TRIM44: variants seen among roughly 807,000 people sequenced by gnomAD.
TRIM44 encodes the protein tripartite motif-containing protein 44.
A neutral mutation model predicts 37.4 loss-of-function variants in TRIM44; 13 were observed. That is an observed-to-expected ratio of 0.35 (90% CI 0.23 to 0.55). The LOEUF is 0.55. TRIM44 is among the 20% of genes least tolerant of loss of function. The probability of loss-of-function intolerance (pLI) is 0.89; values close to 1 mark genes in which losing one functional copy is unlikely to be tolerated. For missense variants in TRIM44, 426 were observed against 437.2 expected (o/e 0.97, Z 0.23); for synonymous variants, 175 against 157.2 (o/e 1.11, Z -0.85).
intron 2 of TRIM44, among the ~76,000 whole-genome samples, chr11:35,706,954 G>C (rs1851893702): frequency 2.6e-5 from 4 of 151,492 alleles, no homozygotes; most frequent in Non-Finnish European, 5.9e-5. Flanking sequence ...ATTCAATTAG[G>C]AAAAGAGGAA....
intron 4 of TRIM44, among the ~76,000 whole-genome samples, chr11:35,765,944 G>C (rs1041735221): frequency 6.6e-6 from 1 of 152,172 alleles, no homozygotes; most frequent in Non-Finnish European, 1.5e-5. Flanking sequence ...TCAACACAGA[G>C]TGGTAAGGAA....
chr11:35,766,537 A>AG (rs1391211092), intron 4 of TRIM44, among the ~76,000 whole-genome samples: 1 of 152,242 alleles, frequency 6.6e-6, no homozygotes, highest in Non-Finnish European at 1.5e-5. Flanking sequence ...GTGCTCCTAC[A>AG]TGCCCACATT....
chr11:35,778,870 C>T (rs1265955303), intron 4 of TRIM44, among the ~76,000 whole-genome samples: 1 of 152,230 alleles, frequency 6.6e-6, no homozygotes, highest in Non-Finnish European at 1.5e-5. Context: ...TGGGAGTTCT[C>T]TACCAGTTAG....
chr11:35,754,735 A>G (rs1027744871), intron 4 of TRIM44, among the ~76,000 whole-genome samples: 1 of 140,386 alleles, frequency 7.1e-6, no homozygotes, highest in Non-Finnish European at 1.5e-5. Flanking sequence ...ATTCCCACCT[A>G]TGAGTGAGAA....
intron 1 of TRIM44, among the ~76,000 whole-genome samples, chr11:35,664,774 T>A (rs1386580044): frequency 6.6e-6 from 1 of 152,186 alleles, no homozygotes; most frequent in Non-Finnish European, 1.5e-5. Flanking sequence ...AGTACTGAGG[T>A]AGTCTCCATC....
intron 4 of TRIM44, among the ~76,000 whole-genome samples, chr11:35,777,945 G>C (rs191298715): frequency 4.6e-5 from 7 of 152,176 alleles, no homozygotes; most frequent in East Asian, 1.9e-4. Context: ...TGGAGTTGCT[G>C]TTCTCAAGGA....
At position 35,663,249 on chromosome 11, in the gene TRIM44, G is replaced by C; in HGVS notation, c.138G>C (p.Glu46Asp). The stretch of plus-strand genomic sequence containing the variant: ...TCTGCTACTGCCGCCGCCATGCCGA[G>C]GCGCACAGGCAGAAGTTCCTCAGTC... ...CGFCYCRRHA[E>D]AHRQKFLSHH... Residue 46 changes from glutamate (E) to aspartate (D), a missense_variant, in exon 1 of 5, where the codon GAG (glutamate) becomes GAC (aspartate). Coordinates refer to ENST00000299413, the MANE Select transcript of TRIM44 (RefSeq NM_017583.6). The C allele has an allele frequency of 1.2e-6, 2 of 1,609,648 alleles. No individual in the cohort carries two copies. The highest frequency in any genetic ancestry group is 8.5e-7 in the Non-Finnish European group (1 of 1,176,540).
chr11:35,663,743 A>G lies in TRIM44; in HGVS notation c.632A>G (p.Gln211Arg), dbSNP rs778295441. 6.2e-7 allele frequency: 1 copy of G among 1,614,108 alleles called. No homozygotes were observed. Among genetic ancestry groups the G allele is most frequent in the Non-Finnish European group, 8.5e-7 (1 of 1,180,022 alleles). Residue 211 changes from glutamine to arginine, a missense_variant, in exon 1 of 5, where the codon CAA (glutamine) becomes CGA (arginine). By Grantham distance (43) the Gln-to-Arg change is conservative. Transcript: ENST00000299413. ...GTCATTGGGGCTCACCAGGGCCACC[A>G]ACTCTCCACCCTAGACGAAGCCTTT... ...CPVIGAHQGH[Q>R]LSTLDEAFEE...
intron 4 of TRIM44, among the ~76,000 whole-genome samples, chr11:35,766,668 G>T (rs934593726): frequency 6.6e-6 from 1 of 152,122 alleles, no homozygotes; most frequent in South Asian, 2.1e-4. Flanking sequence ...CTTTGGCCTC[G>T]GCAGGCCGGG....
chr11:35,729,708 G>T (rs1216908146), intron 3 of TRIM44, among the ~76,000 whole-genome samples: 1 of 152,154 alleles, frequency 6.6e-6, no homozygotes, highest in Non-Finnish European at 1.5e-5. Flanking sequence ...TAAACTTAAG[G>T]TGACATATGA....
At chr11:35,746,278 G>A (rs1852489498) in intron 4 of TRIM44, among the ~76,000 whole-genome samples, 1 of 152,076 alleles carries the variant, frequency 6.6e-6, no homozygotes, top group Non-Finnish European at 1.5e-5. Context: ...GATGTCCTTG[G>A]TTATGCCTCC....
intron 4 of TRIM44, among the ~76,000 whole-genome samples, chr11:35,738,469 G>T (rs1258826747): frequency 6.6e-6 from 1 of 152,120 alleles, no homozygotes; most frequent in African/African-American, 2.4e-5. Flanking sequence ...GGTACAATAA[G>T]TACCAAAAAT....
Position 35,813,997 on chromosome 11 carries a change from AAACT to A in TRIM44, c.*7615_*7618del, listed in dbSNP as rs1248123542. 1 of 152,226 alleles carries A rather than the reference AAACT, an allele frequency of 6.6e-6. No individual in the cohort carries two copies. Among genetic ancestry groups the A allele is most frequent in the African/African-American group, 2.4e-5 (1 of 41,458 alleles). The allele number at this position is 152,226 out of a possible 1,614,324, so 9.4% of individuals were successfully genotyped here. On this transcript the variant is annotated 3_prime_UTR_variant, in exon 5 of 5. Transcript: ENST00000299413. ...TGCCAACTTTCCAATGTGATGAATAAAACTAATAACTAGAATACAGATCAAATTC... is the reference window on the plus strand; with the variant it reads ...TGCCAACTTTCCAATGTGATGAATAAAATAACTAGAATACAGATCAAATTC...
intron 4 of TRIM44, among the ~76,000 whole-genome samples, chr11:35,758,322 C>T (rs1440410985): frequency 6.6e-6 from 1 of 152,026 alleles, no homozygotes; most frequent in Non-Finnish European, 1.5e-5. Flanking sequence ...GGATTGCAAC[C>T]CCTGCCTTTT....
At chr11:35,761,844 T>A (rs1308943102) in intron 4 of TRIM44, among the ~76,000 whole-genome samples, 1 of 152,194 alleles carries the variant, frequency 6.6e-6, no homozygotes, top group Non-Finnish European at 1.5e-5. Flanking sequence ...CTGTTATTTA[T>A]TTTTGTTTAA....
intron 2 of TRIM44, among the ~76,000 whole-genome samples, chr11:35,708,713 A>T (rs1392206425): frequency 6.6e-6 from 1 of 151,852 alleles, no homozygotes; most frequent in Non-Finnish European, 1.5e-5. Flanking sequence ...TTGAACAATG[A>T]GAACACATGG....
In TRIM44 at chr11:35,707,634, A is replaced by T. The variant is rs575431639; in HGVS notation, c.748-18290A>T. Among the ~76,000 whole-genome samples the T allele has an allele frequency of 1.1e-4, 17 of 148,136 alleles. 2 individuals are homozygous for T. In the South Asian group the frequency reaches 3.7e-3, roughly 32 times the overall value. On this transcript the variant is annotated intron_variant, in intron 2 of 4. Coordinates refer to ENST00000299413, the MANE Select transcript of TRIM44 (RefSeq NM_017583.6). Reference sequence around the variant, plus strand: ...CATATCTACAACTATCTGTTCTTTGACAAACCTGACAAAAACAAGAGATGG... The same window carrying T: ...CATATCTACAACTATCTGTTCTTTGTCAAACCTGACAAAAACAAGAGATGG...
intron 2 of TRIM44, among the ~76,000 whole-genome samples, chr11:35,713,306 CT>C (rs1190791351): frequency 6.6e-6 from 1 of 152,162 alleles, no homozygotes; most frequent in Non-Finnish European, 1.5e-5. Flanking sequence ...TTATGATCCC[CT>C]TTTATAAATG....
chr11:35,735,604 G>A (rs999789413), intron 4 of TRIM44, among the ~76,000 whole-genome samples, 159 bp downstream of exon 4: 6 of 152,050 alleles, frequency 3.9e-5, no homozygotes, highest in African/African-American at 1.4e-4. Context: ...TAAGACTCCC[G>A]TCTCCCTCTC....
Sources: allele counts gnomAD v4.1 joint callset (sites outside exome capture counted in the v4.1 genomes callset), GRCh38; gene constraint gnomAD v4.1.1; transcripts MANE v1.5; gene names NCBI Gene and HGNC (gene_info 2026-07-23, HGNC 2026-07-21).